WDR70: variants seen among roughly 807,000 people sequenced by gnomAD.
WDR70 encodes the protein WD repeat-containing protein 70.
WDR70 carries 53 observed loss-of-function variants against 88.6 expected under a neutral mutation model. The observed-to-expected ratio is 0.60, with a 90% CI of 0.48 to 0.75. WDR70 has a LOEUF of 0.75. WDR70 is among the 30% of genes least tolerant of loss of function. WDR70 has a pLI of 0.00. For synonymous variants in WDR70, 280 were observed against 270.0 expected (o/e 1.04, Z -0.36); for missense variants, 610 against 823.2 (o/e 0.74, Z 3.17).
At position 37,406,329 on chromosome 5, in the gene WDR70, C is replaced by T. The variant is rs78552464; in HGVS notation, c.492+9759C>T. ...TCCATTACTACCACTTTAGTCTAAT[C>T]CTATATCACTTCAGTGTTAGTAGCC... On this transcript the variant is annotated intron_variant, in intron 5 of 17. Transcript: ENST00000265107. 5.3e-3 allele frequency among the ~76,000 whole-genome samples: 812 copies of T among 152,306 alleles called. 9 individuals are homozygous for T. The highest frequency in any genetic ancestry group is 0.019 in the African/African-American group (773 of 41,568).
At chr5:37,703,915 G>T (rs1017150617) in intron 13 of WDR70, among the ~76,000 whole-genome samples, 3 of 152,182 alleles carry the variant, frequency 2.0e-5, no homozygotes, top group East Asian at 3.9e-4. Context: ...CTCTTATGTA[G>T]GTTTTTCCAG....
chr5:37,568,493 C>T (rs1742810926), intron 9 of WDR70, among the ~76,000 whole-genome samples: 1 of 152,142 alleles, frequency 6.6e-6, no homozygotes, highest in Non-Finnish European at 1.5e-5. Flanking sequence ...ATATTACAAT[C>T]ACTGTTCTCT....
At chr5:37,409,261 T>C (rs1450123806) in intron 5 of WDR70, among the ~76,000 whole-genome samples, 3 of 151,890 alleles carry the variant, frequency 2.0e-5, no homozygotes. Flanking sequence ...AATTCTTTTG[T>C]GTCTGGTTCT....
At chr5:37,503,122 G>T (rs1740453227) in intron 8 of WDR70, among the ~76,000 whole-genome samples, 1 of 152,078 alleles carries the variant, frequency 6.6e-6, no homozygotes, top group South Asian at 2.1e-4. Context: ...TTGCGTGTGT[G>T]TTCATCAGGG....
At chr5:37,605,039 T>G in intron 9 of WDR70, 25 bp from the exon 10 acceptor site, 6 of 1,540,026 alleles carry the variant, frequency 3.9e-6, no homozygotes, top group Non-Finnish European at 5.2e-6. Flanking sequence ...TTTAAATAAA[T>G]GAAAAATCTC....
chr5:37,479,628 C>A, intron 7 of WDR70: 1 of 471,660 alleles, frequency 2.1e-6, no homozygotes. Context: ...GCCTTGGCCT[C>A]CCAAAGTATT....
chr5:37,703,507 G>T (rs1003536267), intron 13 of WDR70, among the ~76,000 whole-genome samples: 7 of 152,196 alleles, frequency 4.6e-5, no homozygotes, highest in African/African-American at 1.7e-4. Context: ...AACTCTGCTT[G>T]TGTGGGTTGT....
intron 3 of WDR70, among the ~76,000 whole-genome samples, chr5:37,390,340 AT>A (rs11392764): frequency 5.8e-5 from 8 of 138,138 alleles, no homozygotes; most frequent in Admixed American, 7.4e-5. Context: ...TATAATATAA[AT>A]TTTTTTTTTT....
At chr5:37,514,975 C>T (rs545602989) in intron 8 of WDR70, among the ~76,000 whole-genome samples, 21 of 149,114 alleles carry the variant, frequency 1.4e-4, no homozygotes, top group Admixed American at 1.1e-3. Context: ...GTGAACATGC[C>T]ACTGTACCCC....
At chr5:37,738,039 A>G (rs893086139) in intron 17 of WDR70, among the ~76,000 whole-genome samples, 3 of 151,624 alleles carry the variant, frequency 2.0e-5, no homozygotes, top group African/African-American at 7.3e-5. Context: ...TAAAAAAAAA[A>G]AAAACAAACA....
rs543085310 is a variant in WDR70, at chr5:37,522,133, C to T, written c.917+5543C>T. Among the ~76,000 whole-genome samples the T allele has an allele frequency of 2.0e-5, 3 of 152,170 alleles. No individual in the cohort carries two copies. The East Asian group carries it at 5.8e-4, about 29-fold the overall frequency. On this transcript the variant is annotated intron_variant, in intron 9 of 17. Coordinates refer to ENST00000265107, the MANE Select transcript of WDR70 (RefSeq NM_018034.4). ...TTCCCTGATCATTAGTGATGGTGAG[C>T]ATTTTTCCATATGCTTTTTGGCCAT... is the stretch of plus-strand genomic sequence containing the variant.
chr5:37,428,582 A>G (rs1750207395), intron 5 of WDR70, among the ~76,000 whole-genome samples: 1 of 152,202 alleles, frequency 6.6e-6, no homozygotes, highest in South Asian at 2.1e-4. Context: ...AGACTTGCCC[A>G]TCTTGTCTCA....
chr5:37,536,804 A>G (rs1017725132), intron 9 of WDR70, among the ~76,000 whole-genome samples: 9 of 152,000 alleles, frequency 5.9e-5, no homozygotes, highest in Admixed American at 5.9e-4. Context: ...GGAATTTTGT[A>G]TTTTATTTAC....
intron 5 of WDR70, among the ~76,000 whole-genome samples, chr5:37,399,205 G>T (rs1749122560): frequency 6.6e-6 from 1 of 152,220 alleles, no homozygotes; most frequent in African/African-American, 2.4e-5. Flanking sequence ...GTGAACCTGG[G>T]AGGCAGAGCT....
At chr5:37,653,004 C>A (rs1030283038) in intron 10 of WDR70, among the ~76,000 whole-genome samples, 5 of 152,104 alleles carry the variant, frequency 3.3e-5, no homozygotes, top group Admixed American at 1.3e-4. Flanking sequence ...GAGGGGGCAT[C>A]CTTGTCTTGT....
chr5:37,421,156 G>A (rs1444395060), intron 5 of WDR70, among the ~76,000 whole-genome samples: 6 of 152,202 alleles, frequency 3.9e-5, no homozygotes, highest in South Asian at 2.1e-4. Flanking sequence ...GGTAAATGGC[G>A]GAGTCAGGTT....
chr5:37,533,902 G>T lies in WDR70; in HGVS notation c.917+17312G>T, dbSNP rs183556528. ...TCGAGTCTATTTCCAGGCAGCTGGT[G>T]ACCAGGGCTGAGAACTTGCCCCAGA... On this transcript the variant is annotated intron_variant, in intron 9 of 17. Transcript: ENST00000265107. Among the ~76,000 whole-genome samples, 310 of 152,256 alleles carry T rather than the reference G, an allele frequency of 2.0e-3. 2 individuals are homozygous for T. The East Asian group carries it at 0.036, about 17-fold the overall frequency.
intron 3 of WDR70, among the ~76,000 whole-genome samples, chr5:37,386,570 C>T (rs1486929116): frequency 3.3e-5 from 5 of 152,088 alleles, no homozygotes; most frequent in African/African-American, 7.2e-5. Flanking sequence ...TCAAGTGATC[C>T]GCCTGCCTCA....
intron 7 of WDR70, among the ~76,000 whole-genome samples, chr5:37,470,752 G>T (rs1739302718): frequency 6.6e-6 from 1 of 152,074 alleles, no homozygotes; most frequent in Non-Finnish European, 1.5e-5. Flanking sequence ...TCTGGTTTGG[G>T]GCTATTATGA....
Sources: allele counts gnomAD v4.1 joint callset (sites outside exome capture counted in the v4.1 genomes callset), GRCh38; gene constraint gnomAD v4.1.1; transcripts MANE v1.5; gene names NCBI Gene and HGNC (gene_info 2026-07-23, HGNC 2026-07-21).